TSGA10: variants seen among roughly 807,000 people sequenced by gnomAD.
The protein encoded by TSGA10 is testis specific 10.
In TSGA10, 43 loss-of-function variants were observed where a neutral mutation model predicts 96.6. That is an observed-to-expected ratio of 0.44 (90% confidence interval 0.35 to 0.57). The LOEUF is 0.57. TSGA10 is among the 20% of genes least tolerant of loss of function. TSGA10 has a pLI of 0.01. For missense variants in TSGA10, 703 were observed against 834.4 expected (o/e 0.84, Z 1.94); for synonymous variants, 229 against 269.9 (o/e 0.85, Z 1.48).
chr2:99,101,929 G>T (rs1448921518), intron 10 of TSGA10: 10 of 658,512 alleles, frequency 1.5e-5, no homozygotes, highest in Non-Finnish European at 2.7e-5. Context: ...CAGAGGTTCA[G>T]TTGTGCAACA....
intron 12 of TSGA10, among the ~76,000 whole-genome samples, chr2:99,077,768 T>A (rs1313047503): frequency 6.6e-6 from 1 of 151,858 alleles, no homozygotes; most frequent in Non-Finnish European, 1.5e-5. Flanking sequence ...TTCACTATGT[T>A]GGCCAGGTTG....
At chr2:99,058,567 A>G (rs2084265075) in intron 16 of TSGA10, among the ~76,000 whole-genome samples, 1 of 152,204 alleles carries the variant, frequency 6.6e-6, no homozygotes, top group Admixed American at 6.5e-5. Flanking sequence ...ATAAACATAA[A>G]TGATAAACTT....
At chr2:99,016,435 G>A (rs1265001953) in intron 20 of TSGA10, among the ~76,000 whole-genome samples, 1 of 152,090 alleles carries the variant, frequency 6.6e-6, no homozygotes, top group Non-Finnish European at 1.5e-5. Flanking sequence ...GGATAATTGG[G>A]AAGCCACATG....
chr2:99,102,644 A>G, intron 10 of TSGA10: 1 of 1,614,146 alleles, frequency 6.2e-7, no homozygotes, highest in Non-Finnish European at 8.5e-7. Context: ...TGCTTGAGTC[A>G]GCTGACAAAT....
rs144576618 is a variant in TSGA10, at chr2:99,012,534, A to G, written c.2072+5666T>C. 6.6e-3 allele frequency among the ~76,000 whole-genome samples: 1,006 copies of G among 152,318 alleles called. 14 individuals are homozygous for G. Among genetic ancestry groups the G allele is most frequent in the African/African-American group, 0.023 (974 of 41,574 alleles). Reference sequence around the variant, plus strand: ...AAAGTGAGCAAGAGTAGCTATTCTTATATCAGACAAAACAGACTTTAAAGC... The same window carrying G: ...AAAGTGAGCAAGAGTAGCTATTCTTGTATCAGACAAAACAGACTTTAAAGC... On this transcript the variant is annotated intron_variant, in intron 20 of 20. Transcript: ENST00000393483.
chr2:99,153,492 TA>T (rs1386308012), intron 1 of TSGA10, among the ~76,000 whole-genome samples: 1 of 151,946 alleles, frequency 6.6e-6, no homozygotes, highest in East Asian at 1.9e-4. Flanking sequence ...AAGGTAAGAA[TA>T]ACCAAGGGAC....
intron 17 of TSGA10, among the ~76,000 whole-genome samples, chr2:99,033,318 C>T (rs913560306): frequency 5.9e-5 from 9 of 152,202 alleles, no homozygotes; most frequent in African/African-American, 1.7e-4. Context: ...AGAGCAAACA[C>T]GTCTTCTCTT....
At chr2:99,140,549 T>C (rs892975380) in intron 1 of TSGA10, among the ~76,000 whole-genome samples, 17 of 152,034 alleles carry the variant, frequency 1.1e-4, no homozygotes, top group Non-Finnish European at 1.3e-4. Context: ...GATCACCTAG[T>C]TATCCAATTT....
At chr2:99,127,000 C>A in intron 2 of TSGA10, 48 bp downstream of exon 2, 2 of 1,276,628 alleles carry the variant, frequency 1.6e-6, no homozygotes, top group Non-Finnish European at 2.0e-6. Flanking sequence ...TCAAAATAGG[C>A]TCCCACCCCA....
rs78174743 is a variant in TSGA10, at chr2:99,079,185, C to T, written c.728-372G>A. 9.5e-3 allele frequency among the ~76,000 whole-genome samples: 1,453 copies of T among 152,290 alleles called. 14 individuals are homozygous for T. The highest frequency in any genetic ancestry group is 0.033 in the African/African-American group (1,379 of 41,562). ...TCTCCTGTAGTTTCCCCTCCCCTCC[C>T]TCTAGCCTAGAATCACTGTTGTATA... On this transcript the variant is annotated intron_variant, in intron 11 of 20. Coordinates refer to ENST00000393483, the MANE Select transcript of TSGA10 (RefSeq NM_025244.4).
intron 12 of TSGA10, among the ~76,000 whole-genome samples, chr2:99,078,349 A>G (rs564974930): frequency 6.6e-6 from 1 of 151,914 alleles, no homozygotes; most frequent in Admixed American, 6.6e-5. Flanking sequence ...TATGCTTTTA[A>G]GAAGAAATCA....
intron 1 of TSGA10, among the ~76,000 whole-genome samples, chr2:99,136,222 C>T (rs1031067451): frequency 1.3e-5 from 2 of 152,310 alleles, no homozygotes; most frequent in South Asian, 4.1e-4. Context: ...AGTTACATTT[C>T]TTCCATCCCT....
chr2:99,033,274 G>C (rs1218109655), intron 17 of TSGA10, among the ~76,000 whole-genome samples: 4 of 152,212 alleles, frequency 2.6e-5, no homozygotes, highest in Non-Finnish European at 5.9e-5. Flanking sequence ...CTTAACTCAT[G>C]TCTGTTCGCA....
intron 17 of TSGA10, among the ~76,000 whole-genome samples, chr2:99,022,581 G>T (rs958213496): frequency 1.3e-5 from 2 of 152,064 alleles, no homozygotes; most frequent in African/African-American, 2.4e-5. Flanking sequence ...ATAAACCACA[G>T]CTCTATTCAT....
At chr2:99,032,440 A>G (rs188505412) in intron 17 of TSGA10, among the ~76,000 whole-genome samples, 1 of 152,234 alleles carries the variant, frequency 6.6e-6, no homozygotes, top group Non-Finnish European at 1.5e-5. Context: ...CTCCAAGTCT[A>G]CTTTGTATAA....
chr2:99,145,748 T>G (rs2093625276), intron 1 of TSGA10, among the ~76,000 whole-genome samples: 1 of 152,334 alleles, frequency 6.6e-6, no homozygotes, highest in Middle Eastern at 3.4e-3. Flanking sequence ...CTACCACAGC[T>G]GGGGACCAGA....
intron 17 of TSGA10, among the ~76,000 whole-genome samples, chr2:99,021,145 C>G (rs980214124): frequency 6.6e-6 from 1 of 151,570 alleles, no homozygotes; most frequent in African/African-American, 2.4e-5. Flanking sequence ...TTGTAATATA[C>G]ATAACAAATT....
chr2:99,108,366 A>G (rs2091526147), intron 7 of TSGA10, among the ~76,000 whole-genome samples: 2 of 152,146 alleles, frequency 1.3e-5, no homozygotes, highest in African/African-American at 4.8e-5. Flanking sequence ...GTTGGGTTAA[A>G]GAAGGTATTT....
intron 4 of TSGA10, among the ~76,000 whole-genome samples, chr2:99,116,034 G>A (rs566463853): frequency 2.0e-5 from 3 of 152,220 alleles, no homozygotes; most frequent in South Asian, 4.2e-4. Context: ...CTTCAATAAC[G>A]TTTCACCTGA....
Sources: allele counts gnomAD v4.1 joint callset (sites outside exome capture counted in the v4.1 genomes callset), GRCh38; gene constraint gnomAD v4.1.1; transcripts MANE v1.5; gene names NCBI Gene and HGNC (gene_info 2026-07-23, HGNC 2026-07-21).